EFEMP2: variants seen among roughly 807,000 people sequenced by gnomAD.
The protein encoded by EFEMP2 is EGF-containing fibulin-like extracellular matrix protein 2.
In EFEMP2, 21 loss-of-function variants were observed where a neutral mutation model predicts 55.3. That is an observed-to-expected ratio of 0.38 (90% confidence interval 0.27 to 0.55). The LOEUF (loss-of-function observed/expected upper bound fraction) is 0.55, where lower values mean the gene tolerates loss of function less well. EFEMP2 is among the 20% of genes least tolerant of loss of function. The pLI, the probability that EFEMP2 is intolerant of heterozygous loss-of-function variation, is 0.77. For synonymous variants in EFEMP2, 275 were observed against 242.3 expected (o/e 1.14, Z -1.25); for missense variants, 513 against 615.1 (o/e 0.83, Z 1.76).
rs552718193 is a variant in EFEMP2, at chr11:65,870,011, CGGA to C, written c.608-38_608-36del. ...CCAGGAAAAACAGGAGGGATGAAAG[CGGA>C]GGAGGAGCCCAGAGCCTCCACTCTA... On this transcript the variant is annotated intron_variant, in intron 6 of 10. Transcript: ENST00000307998. 2,580 of 1,613,362 alleles carry C rather than the reference CGGA, an allele frequency of 1.6e-3. 1 individual carries two copies. Among genetic ancestry groups the C allele is most frequent in the Middle Eastern group, 2.3e-3 (14 of 6,062 alleles).
chr11:65,868,174 TGAA>T (rs759635079), intron 9 of EFEMP2, 118 bp from the exon 10 acceptor site: 82 of 1,563,328 alleles, frequency 5.2e-5, no homozygotes, highest in East Asian at 4.7e-4. Context: ...CTGGTTTTCA[TGAA>T]GGACTATGAT....
At position 65,869,958 on chromosome 11, in the gene EFEMP2, A is replaced by G. The variant is rs778873365; in HGVS notation, c.626T>C (p.Met209Thr). 5.6e-6 allele frequency: 9 copies of G among 1,613,930 alleles called. No homozygotes were observed. The Admixed American group carries it at 1.2e-4, about 21-fold the overall frequency. ...GCAGCGCTGCTCGCATGGGGCCCCCATGTCACACTCGTTCACATCTGGGGG... is the reference window on the plus strand; with the variant it reads ...GCAGCGCTGCTCGCATGGGGCCCCCGTGTCACACTCGTTCACATCTGGGGG... ...RSCVDVNECD[M>T]GAPCEQRCFN... is the part of the protein sequence containing the mutation. Residue 209 changes from methionine (M) to threonine (T), a missense_variant, in exon 7 of 11, where the codon ATG becomes ACG. Met to Thr is a moderately conservative substitution (Grantham distance 81). Coordinates refer to ENST00000307998, the MANE Select transcript of EFEMP2 (RefSeq NM_016938.5).
intron 6 of EFEMP2, 61 bp from the exon 7 acceptor site, chr11:65,870,037 C>G: frequency 6.2e-7 from 1 of 1,613,256 alleles, no homozygotes; most frequent in Non-Finnish European, 8.5e-7. Flanking sequence ...AGCCTCCACT[C>G]TACCTGGGCT....
At chr11:65,871,471 G>A (rs1859964611) in intron 3 of EFEMP2, 108 bp from the exon 4 acceptor site, 4 of 1,071,820 alleles carry the variant, frequency 3.7e-6, no homozygotes, top group African/African-American at 3.1e-5. Context: ...CCCCAGCAAA[G>A]CCTTCCCACT....
Position 65,870,594 on chromosome 11 carries a change from A to G in EFEMP2, c.432T>C (p.Pro144=). Residue 144 remains proline (P), a synonymous_variant, in exon 5 of 11, where the codon CCT becomes CCC. Coordinates refer to ENST00000307998, the MANE Select transcript of EFEMP2 (RefSeq NM_016938.5). Reference sequence around the variant, plus strand: ...CAGGGCAGGTGCACTGATAGGAGCCAGGCAAGTTATGGCAGTCCTGGCTGG... The same window carrying G: ...CAGGGCAGGTGCACTGATAGGAGCCGGGCAAGTTATGGCAGTCCTGGCTGG... ...CRPSQDCHNL[P]GSYQCTCPDG... 2 of 1,614,158 alleles carry G rather than the reference A, an allele frequency of 1.2e-6. No individual in the cohort carries two copies. The highest frequency in any genetic ancestry group is 2.7e-5 in the African/African-American group (2 of 75,042).
At chr11:65,867,743 CG>C in intron 10 of EFEMP2, 117 bp downstream of exon 10, 2 of 1,149,436 alleles carry the variant, frequency 1.7e-6, no homozygotes, top group East Asian at 2.4e-5. Flanking sequence ...ACCCCGCCTC[CG>C]GGGGCGGGGC....
Position 65,871,328 on chromosome 11 carries a change from T to C in EFEMP2, c.196A>G (p.Lys66Glu). 1.2e-6 allele frequency: 2 copies of C among 1,614,134 alleles called. No homozygotes were observed. The highest frequency in any genetic ancestry group is 1.7e-6 in the Non-Finnish European group (2 of 1,180,002). ...NECLTIPEAC[K>E]GEMKCINHYG... ...TGGTTGATGCACTTCATTTCCCCCT[T>C]GCAGGCCTCAGGGATGGTCAGACAC... The change falls in exon 4 of 11, where the codon AAG becomes GAG. Residue 66 changes from lysine to glutamate, a missense_variant. Physicochemically the swap from Lys to Glu is moderately conservative, Grantham distance 56. Coordinates refer to ENST00000307998, the MANE Select transcript of EFEMP2 (RefSeq NM_016938.5).
intron 3 of EFEMP2, chr11:65,871,611 C>T: frequency 1.7e-6 from 1 of 601,670 alleles, no homozygotes; most frequent in South Asian, 2.0e-5. Context: ...CTCCCCACGG[C>T]CCTAGCCCTA....
chr11:65,870,756 C>T (rs949333977), intron 4 of EFEMP2, 98 bp from the exon 5 acceptor site: 4 of 1,576,524 alleles, frequency 2.5e-6, no homozygotes, highest in Admixed American at 3.4e-5. Flanking sequence ...CAACAGCACG[C>T]GTAAGAGTTC....
rs749109625 is a variant in EFEMP2 at position 65,869,947 on chromosome 11, A to G, written c.637T>C (p.Cys213Arg). The change falls in exon 7 of 11, where the codon TGC (cysteine) becomes CGC (arginine). Residue 213 changes from cysteine (C) to arginine (R), a missense_variant. By Grantham distance (180) the Cys-to-Arg change is radical. Transcript: ENST00000307998. ...DVNECDMGAP[C>R]EQRCFNSYGT... ...TAGGAGTTGAAGCAGCGCTGCTCGC[A>G]TGGGGCCCCCATGTCACACTCGTTC... 10 of 1,613,956 alleles carry G rather than the reference A, an allele frequency of 6.2e-6. No homozygotes were observed. Among genetic ancestry groups the G allele is most frequent in the South Asian group, 1.1e-5 (1 of 91,088 alleles).
chr11:65,871,759 A>T, intron 3 of EFEMP2: 1 of 643,554 alleles, frequency 1.6e-6, no homozygotes, highest in Non-Finnish European at 2.8e-6. Flanking sequence ...GGGTAGGGAC[A>T]AGGTTTCCTG....
chr11:65,869,601 G>A, intron 7 of EFEMP2: 1 of 542,868 alleles, frequency 1.8e-6, no homozygotes, highest in Non-Finnish European at 3.3e-6. Flanking sequence ...AGGTGAGCCT[G>A]ATATGTGGGA....
rs765990108 is a variant in EFEMP2, at chr11:65,869,918, C to T, written c.666G>A (p.Gly222=). The change falls in exon 7 of 11, where the codon GGG becomes GGA. Residue 222 remains glycine, a synonymous_variant. Transcript: ENST00000307998. Reference sequence around the variant, plus strand: ...CCTGGTGGCAGCGACACAGGAAGGTCCCATAGGAGTTGAAGCAGCGCTGCT... The same window carrying T: ...CCTGGTGGCAGCGACACAGGAAGGTTCCATAGGAGTTGAAGCAGCGCTGCT... ...PCEQRCFNSY[G]TFLCRCHQGY... 1.9e-6 allele frequency: 3 copies of T among 1,614,032 alleles called. No homozygotes were observed. In the East Asian group the frequency reaches 6.7e-5, roughly 36 times the overall value.
intron 10 of EFEMP2, chr11:65,867,501 A>G: frequency 2.3e-6 from 1 of 434,728 alleles, no homozygotes; most frequent in Non-Finnish European, 4.3e-6. Flanking sequence ...CACTGTGAGC[A>G]GCTCACTGTG....
intron 9 of EFEMP2, 59 bp downstream of exon 9, chr11:65,868,236 G>GCC: frequency 6.2e-7 from 1 of 1,608,362 alleles, no homozygotes; most frequent in South Asian, 1.1e-5. Flanking sequence ...ATGCCAGTCA[G>GCC]CCCCAAAGCC....
At chr11:65,868,818 C>T (rs1859912571) in intron 7 of EFEMP2, 189 bp from the exon 8 acceptor site, 11 of 699,554 alleles carry the variant, frequency 1.6e-5, no homozygotes, top group Non-Finnish European at 2.4e-5. Context: ...TGCCGCAGCT[C>T]ACAGACTTCT....
rs376350227 is a variant in EFEMP2, at chr11:65,871,176, G to T, written c.348C>A (p.Asp116Glu). ...PNPCPPGYEP[D>E]DQDSCVDVDE... The stretch of plus-strand genomic sequence containing the variant: ...ACTCACCCACACAGCTGTCCTGATC[G>T]TCGGGCTCATAGCCTGGTGGGCAGG... Residue 116 changes from aspartate (D) to glutamate (E), a missense_variant, in exon 4 of 11, where the codon GAC becomes GAA. By Grantham distance (45) the Asp-to-Glu change is conservative. Coordinates refer to ENST00000307998, the MANE Select transcript of EFEMP2 (RefSeq NM_016938.5). The T allele has an allele frequency of 1.5e-4, 245 of 1,614,080 alleles. No homozygotes were observed. The highest frequency in any genetic ancestry group is 2.0e-4 in the Admixed American group (12 of 60,010).
intron 3 of EFEMP2, chr11:65,871,641 G>C: frequency 1.7e-6 from 1 of 596,810 alleles, no homozygotes; most frequent in African/African-American, 1.9e-5. Context: ...AAGATGGGGG[G>C]CCTCCTTACC....
chr11:65,868,451 G>A (rs373937692), intron 8 of EFEMP2, 30 bp from the exon 9 acceptor site: 10 of 1,613,788 alleles, frequency 6.2e-6, no homozygotes, highest in South Asian at 1.1e-5. Context: ...CTGGAATCGG[G>A]GGCGTCAGGC....
Sources: gnomAD v4.1 joint callset for allele counts on GRCh38, gnomAD v4.1.1 for gene constraint, MANE v1.5 for transcripts, NCBI Gene and HGNC (gene_info 2026-07-23, HGNC 2026-07-21) for gene names.